The following RIPOR2 variants were observed in gnomAD, a reference collection of about 807,000 sequenced individuals.
RIPOR2 encodes RHO family interacting cell polarization regulator 2.
Under a neutral mutation model 114.5 loss-of-function variants are expected in RIPOR2, and 39 were observed. The ratio of observed to expected loss-of-function variants is 0.34; its 90% CI spans 0.26 to 0.44. RIPOR2 has a LOEUF of 0.44. Among genes scored for constraint, RIPOR2 ranks in the 20% least tolerant of loss-of-function variants. RIPOR2 has a pLI of 1.00. For synonymous variants in RIPOR2, 445 were observed against 484.4 expected (o/e 0.92, Z 1.07); for missense variants, 1,007 against 1,255.1 (o/e 0.80, Z 2.99).
intron 1 of RIPOR2, among the ~76,000 whole-genome samples, chr6:25,035,308 T>A (rs1777186537): frequency 6.6e-6 from 1 of 152,312 alleles, no homozygotes; most frequent in South Asian, 2.1e-4. Context: ...ATACTTGGGG[T>A]AAACTCCTCA....
chr6:24,915,138 C>T (rs982502988), intron 1 of RIPOR2, among the ~76,000 whole-genome samples: 13 of 152,162 alleles, frequency 8.5e-5, no homozygotes, highest in African/African-American at 3.1e-4. Context: ...TCCATAGGAA[C>T]AGCAGATCTA....
Position 24,830,689 on chromosome 6 carries a change from C to A in RIPOR2, c.2345-19G>T, listed in dbSNP as rs1324033778. ...GGTATGGCTGGAAAAGAAGAGCAAC[C>A]CCCCATCTCGTAACACATTTTATTT... is the stretch of plus-strand genomic sequence containing the variant. On this transcript the variant is annotated intron_variant, in intron 16 of 21. Coordinates refer to ENST00000643898, the MANE Select transcript of RIPOR2 (RefSeq NM_001286445.3). 3 of 1,541,032 alleles carry A rather than the reference C, an allele frequency of 1.9e-6. No individual in the cohort carries two copies. Among genetic ancestry groups the A allele is most frequent in the Non-Finnish European group, 2.6e-6 (3 of 1,143,718 alleles).
In RIPOR2 at chr6:24,805,712, C is replaced by T. The variant is rs558058777; in HGVS notation, c.*661G>A. 1 of 152,066 alleles carries T rather than the reference C, an allele frequency of 6.6e-6. No homozygotes were observed. Among genetic ancestry groups the T allele is most frequent in the East Asian group, 1.9e-4 (1 of 5,186 alleles). The allele number at this position is 152,066 out of a possible 1,614,324, so 9.4% of individuals were successfully genotyped here. ...AGGCATATGATGTTTGTCGAAGTAT[C>T]ACATGACTATTTCAAGCTTATAGAG... On this transcript the variant is annotated 3_prime_UTR_variant, in exon 22 of 22. Transcript: ENST00000643898.
chr6:24,980,901 C>A (rs1020048670), intron 1 of RIPOR2, among the ~76,000 whole-genome samples: 5 of 152,208 alleles, frequency 3.3e-5, no homozygotes, highest in African/African-American at 1.2e-4. Context: ...TTGGGGCACA[C>A]ATGCTTTCTC....
chr6:24,983,192 G>GTA, intron 1 of RIPOR2, among the ~76,000 whole-genome samples: 1 of 86,752 alleles, frequency 1.2e-5, no homozygotes, highest in Non-Finnish European at 2.5e-5. Context: ...GGTTGAACAC[G>GTA]TACACACACA....
At chr6:24,920,092 G>A (rs938194832) in intron 1 of RIPOR2, among the ~76,000 whole-genome samples, 1 of 152,216 alleles carries the variant, frequency 6.6e-6, no homozygotes, top group Non-Finnish European at 1.5e-5. Context: ...AAAAGCAAAT[G>A]TGGTGCCTAC....
intron 1 of RIPOR2, among the ~76,000 whole-genome samples, chr6:24,982,794 T>C (rs1341597784): frequency 1.3e-5 from 2 of 152,190 alleles, no homozygotes; most frequent in Non-Finnish European, 2.9e-5. Context: ...ATGTAAGGTA[T>C]GCAAAATTTA....
chr6:24,950,776 G>A (rs1261042821), intron 1 of RIPOR2, among the ~76,000 whole-genome samples: 1 of 146,228 alleles, frequency 6.8e-6, no homozygotes, highest in African/African-American at 2.5e-5. Context: ...CAAGCCTAAA[G>A]TGCAGCTATC....
chr6:24,955,200 G>A (rs1386988312), intron 1 of RIPOR2, among the ~76,000 whole-genome samples: 1 of 152,112 alleles, frequency 6.6e-6, no homozygotes, highest in Non-Finnish European at 1.5e-5. Context: ...CCTGTCCATT[G>A]TAAATAAAGC....
intron 5 of RIPOR2, 92 bp from the exon 6 acceptor site, chr6:24,869,239 G>T (rs997175990): frequency 1.0e-5 from 6 of 601,132 alleles, no homozygotes; most frequent in South Asian, 2.2e-5. Context: ...ATACTCAAAA[G>T]TATTAGAAAA....
At chr6:25,006,230 T>G (rs2113664838) in intron 1 of RIPOR2, among the ~76,000 whole-genome samples, 1 of 152,352 alleles carries the variant, frequency 6.6e-6, no homozygotes, top group Non-Finnish European at 1.5e-5. Context: ...CTCATGCCTC[T>G]TTCTGCCTTC....
At chr6:24,959,049 C>A (rs1773184547) in intron 1 of RIPOR2, among the ~76,000 whole-genome samples, 1 of 150,258 alleles carries the variant, frequency 6.7e-6, no homozygotes, top group South Asian at 2.1e-4. Flanking sequence ...CTCCTGAGCT[C>A]AAGCCATCCT....
chr6:24,901,872 T>G (rs1289115662), intron 1 of RIPOR2, among the ~76,000 whole-genome samples: 1 of 152,168 alleles, frequency 6.6e-6, no homozygotes, highest in Non-Finnish European at 1.5e-5. Flanking sequence ...TTTGTGAAAT[T>G]AGAGACATTG....
chr6:25,022,387 G>A (rs1442559171), intron 1 of RIPOR2, among the ~76,000 whole-genome samples: 9 of 152,006 alleles, frequency 5.9e-5, no homozygotes, highest in Non-Finnish European at 1.2e-4. Flanking sequence ...AATCCATGTG[G>A]TTGCATGCCT....
At chr6:24,877,333 T>C in intron 1 of RIPOR2, 1 of 985,372 alleles carries the variant, frequency 1.0e-6, no homozygotes, top group Non-Finnish European at 1.2e-6. Context: ...AGAGCAGCCC[T>C]GGAGTTTGTA....
chr6:24,908,328 T>C (rs1769194303), intron 1 of RIPOR2, among the ~76,000 whole-genome samples: 1 of 152,212 alleles, frequency 6.6e-6, no homozygotes, highest in Non-Finnish European at 1.5e-5. Flanking sequence ...TTGAATGCAA[T>C]AAATGATTAA....
intron 1 of RIPOR2, among the ~76,000 whole-genome samples, chr6:24,882,988 G>C (rs1004769424): frequency 6.6e-6 from 1 of 152,146 alleles, no homozygotes; most frequent in Non-Finnish European, 1.5e-5. Flanking sequence ...TGAGACCAGG[G>C]CTTTTCTATG....
chr6:24,911,373 C>T (rs888738191), intron 1 of RIPOR2, among the ~76,000 whole-genome samples: 2 of 151,736 alleles, frequency 1.3e-5, no homozygotes, highest in Admixed American at 6.6e-5. Context: ...AGGGAGAGGG[C>T]AGAGGAAAGG....
intron 1 of RIPOR2, among the ~76,000 whole-genome samples, chr6:25,018,372 CAA>C (rs1345058415): frequency 6.6e-6 from 1 of 151,916 alleles, no homozygotes. Flanking sequence ...AATCTACCAC[CAA>C]AAAAGAGTTT....
Sources: gnomAD v4.1 joint callset for allele counts (sites outside exome capture counted in the v4.1 genomes callset) on GRCh38, gnomAD v4.1.1 for gene constraint, MANE v1.5 for transcripts, NCBI Gene and HGNC (gene_info 2026-07-23, HGNC 2026-07-21) for gene names.